Variants in TIAM1 observed in about 807,000 individuals in gnomAD.
TIAM1 encodes the protein rho guanine nucleotide exchange factor TIAM1.
In TIAM1, 65 loss-of-function variants were observed where a neutral mutation model predicts 163.5. The observed-to-expected ratio is 0.40, with a 90% CI of 0.33 to 0.49. The LOEUF is 0.49. Among genes scored for constraint, TIAM1 ranks in the 20% least tolerant of loss-of-function variants. TIAM1 has a pLI of 0.77. For synonymous variants in TIAM1, 833 were observed against 810.1 expected, an observed-to-expected ratio of 1.03 and a Z score of -0.48; for missense variants, 1,789 against 2,044.7, an observed-to-expected ratio of 0.87 and a Z score of 2.41.
intron 19 of TIAM1, among the ~76,000 whole-genome samples, chr21:31,148,797 A>G (rs1216955466): frequency 6.6e-6 from 1 of 152,216 alleles, no homozygotes; most frequent in African/African-American, 2.4e-5. Flanking sequence ...TCTGTTCTGT[A>G]GGACTTCAGA....
intron 1 of TIAM1, among the ~76,000 whole-genome samples, chr21:31,557,793 C>A (rs978795446): frequency 2.2e-4 from 34 of 152,252 alleles, no homozygotes; most frequent in African/African-American, 7.7e-4. Flanking sequence ...GGCTCCGAGT[C>A]AACCAGGGCT....
At chr21:31,458,766 G>C (rs1161474292) in intron 2 of TIAM1, among the ~76,000 whole-genome samples, 1 of 152,114 alleles carries the variant, frequency 6.6e-6, no homozygotes, top group Non-Finnish European at 1.5e-5. Context: ...GGGAGGGAGG[G>C]GTCTGGGGAG....
chr21:31,385,907 A>AATTATATTAGTTAAT (rs2076862750), intron 2 of TIAM1, among the ~76,000 whole-genome samples: 1 of 147,496 alleles, frequency 6.8e-6, no homozygotes, highest in African/African-American at 2.5e-5. Context: ...TAGTTAATAT[A>AATTATATTAGTTAAT]ATTAATATAT....
upstream of TIAM1, among the ~76,000 whole-genome samples, chr21:31,345,430 T>G (rs1172300272): frequency 1.3e-5 from 2 of 150,822 alleles, no homozygotes; most frequent in African/African-American, 4.9e-5. Flanking sequence ...CTCAAATATA[T>G]ATGTATATAT....
rs75886709 is a variant in TIAM1, at chr21:31,444,154, C to G, written c.-369+19829G>C. On this transcript the variant is annotated intron_variant, in intron 2 of 28. Transcript: ENST00000286827. ...GCGGGATCTGTGTTTATATGAACAGCATTAAAGATAAGCTGTCCCACGGAA... is the reference window on the plus strand; with the variant it reads ...GCGGGATCTGTGTTTATATGAACAGGATTAAAGATAAGCTGTCCCACGGAA... 7.9e-4 allele frequency among the ~76,000 whole-genome samples: 120 copies of G among 152,230 alleles called. 1 individual carries two copies. The East Asian group carries it at 0.02, about 25-fold the overall frequency.
At chr21:31,429,964 G>C (rs1291130279) in intron 2 of TIAM1, among the ~76,000 whole-genome samples, 1 of 152,080 alleles carries the variant, frequency 6.6e-6, no homozygotes, top group Non-Finnish European at 1.5e-5. Context: ...CTAGCACTTT[G>C]GGAGGCCTAG....
intron 1 of TIAM1, among the ~76,000 whole-genome samples, chr21:31,503,501 GAAAGAGAAAA>G (rs2046919129): frequency 9.7e-6 from 1 of 102,848 alleles, no homozygotes; most frequent in African/African-American, 3.8e-5. Context: ...GAGAGAAAGA[GAAAGAGAAAA>G]AAAGAGAAAG....
At chr21:31,496,290 G>C (rs2046638543) in intron 1 of TIAM1, among the ~76,000 whole-genome samples, 3 of 152,010 alleles carry the variant, frequency 2.0e-5, no homozygotes, top group Admixed American at 1.3e-4. Context: ...AGGTGGTCGA[G>C]ACCAACCTGA....
Position 31,266,743 on chromosome 21 carries a change from G to A in TIAM1, c.230C>T (p.Ser77Phe), listed in dbSNP as rs1471796436. The A allele has an allele frequency of 1.2e-6, 2 of 1,614,214 alleles. No individual in the cohort carries two copies. The highest frequency in any genetic ancestry group is 2.7e-5 in the African/African-American group (2 of 75,066). ...SLAENGLEPF[S>F]QDGTLEDFGS... ...GAAGTCTTCTAGGGTACCATCTTGGGAGAAGGGCTCCAGGCCATTTTCAGC... is the reference window on the plus strand; with the variant it reads ...GAAGTCTTCTAGGGTACCATCTTGGAAGAAGGGCTCCAGGCCATTTTCAGC... Residue 77 changes from serine (S) to phenylalanine (F), a missense_variant, in exon 4 of 28, where the codon TCC becomes TTC. Ser to Phe is a radical substitution (Grantham distance 155). This residue lies in a region of TIAM1 where 555 missense variants were observed against 564.9 expected (regional missense o/e 0.98). Transcript: ENST00000541036.
intron 4 of TIAM1, among the ~76,000 whole-genome samples, chr21:31,257,244 T>C (rs974182999): frequency 6.6e-6 from 1 of 152,158 alleles, no homozygotes; most frequent in African/African-American, 2.4e-5. Context: ...AAAATCTCTA[T>C]GCCTTTCTTT....
intron 24 of TIAM1, 21 bp from the exon 25 acceptor site, chr21:31,130,336 G>C: frequency 6.3e-7 from 1 of 1,589,602 alleles, no homozygotes; most frequent in Non-Finnish European, 8.6e-7. Context: ...GAAGGAACCA[G>C]CTGCATAAGA....
intron 1 of TIAM1, among the ~76,000 whole-genome samples, chr21:31,488,083 C>T (rs1346889789): frequency 2.0e-5 from 3 of 152,234 alleles, no homozygotes; most frequent in Non-Finnish European, 4.4e-5. Context: ...TTCGGCCTCC[C>T]GAAGTGCTGG....
At chr21:31,217,237 CA>C (rs1487100734) in intron 9 of TIAM1, among the ~76,000 whole-genome samples, 1 of 152,012 alleles carries the variant, frequency 6.6e-6, no homozygotes, top group African/African-American at 2.4e-5. Context: ...CTCAGGTACC[CA>C]CTTGGCTTCA....
At chr21:31,134,401 C>A (rs762281320) in intron 23 of TIAM1, among the ~76,000 whole-genome samples, 5 of 152,086 alleles carry the variant, frequency 3.3e-5, no homozygotes, top group Non-Finnish European at 5.9e-5. Flanking sequence ...ATACTACTTC[C>A]CCCCTCCCCC....
intron 2 of TIAM1, among the ~76,000 whole-genome samples, chr21:31,282,799 G>T (rs1253487339): frequency 1.3e-5 from 2 of 152,182 alleles, no homozygotes; most frequent in East Asian, 3.9e-4. Flanking sequence ...TCAAAGGCAG[G>T]TATAAAAAGA....
intron 2 of TIAM1, among the ~76,000 whole-genome samples, chr21:31,396,769 G>A (rs1198202629): frequency 6.6e-6 from 1 of 151,726 alleles, no homozygotes; most frequent in Non-Finnish European, 1.5e-5. Context: ...GGCTTCACAT[G>A]GTGAAACCCC....
intron 2 of TIAM1, among the ~76,000 whole-genome samples, chr21:31,393,248 G>A (rs903442441): frequency 3.9e-4 from 60 of 152,174 alleles, no homozygotes; most frequent in Admixed American, 3.9e-4. Flanking sequence ...GAGTTACTGT[G>A]CCCAGCCCTC....
intron 7 of TIAM1, among the ~76,000 whole-genome samples, chr21:31,225,508 C>T (rs915930327): frequency 6.6e-6 from 1 of 152,096 alleles, no homozygotes; most frequent in South Asian, 2.1e-4. Flanking sequence ...TTCTGTCTTT[C>T]ATTCAATGTA....
intron 2 of TIAM1, among the ~76,000 whole-genome samples, chr21:31,449,533 C>T (rs482400): frequency 0.81 from 123,621 of 151,876 alleles, 50,618 homozygotes; most frequent in East Asian, 0.91. Flanking sequence ...CATGCGCCAC[C>T]ACACCCAGCT....
Sources: gnomAD v4.1 joint callset for allele counts (sites outside exome capture counted in the v4.1 genomes callset) on GRCh38, gnomAD v4.1.1 for gene constraint, gnomAD v4.1.1 regional missense constraint, MANE v1.5 for transcripts, NCBI Gene and HGNC (gene_info 2026-07-23, HGNC 2026-07-21) for gene names.